HTR7: variants seen among roughly 807,000 people sequenced by gnomAD.
The protein encoded by HTR7 is 5-HT-7.
Under a neutral mutation model 34.0 loss-of-function variants are expected in HTR7, and 16 were observed. That is an observed-to-expected ratio of 0.47 (90% CI 0.32 to 0.71). HTR7 has a LOEUF of 0.71. HTR7 is among the 30% of genes least tolerant of loss of function. The probability of loss-of-function intolerance (pLI) is 0.04; values close to 1 mark genes in which losing one functional copy is unlikely to be tolerated. For missense variants in HTR7, 504 were observed against 625.5 expected (o/e 0.81, Z 2.07); for synonymous variants, 265 against 260.2 (o/e 1.02, Z -0.18).
chr10:90,750,201 C>A (rs568602523), intron 1 of HTR7, among the ~76,000 whole-genome samples: 2 of 151,978 alleles, frequency 1.3e-5, no homozygotes, highest in Admixed American at 1.3e-4. Context: ...TATTATTTTG[C>A]CCACAGAAAA....
intron 1 of HTR7, among the ~76,000 whole-genome samples, chr10:90,809,147 C>A (rs1336449117): frequency 6.6e-6 from 1 of 152,140 alleles, no homozygotes; most frequent in Non-Finnish European, 1.5e-5. Flanking sequence ...CTTCCTCAGC[C>A]CCCTCTTCTC....
At chr10:90,853,538 C>A (rs1846533011) in intron 1 of HTR7, among the ~76,000 whole-genome samples, 1 of 151,304 alleles carries the variant, frequency 6.6e-6, no homozygotes, top group South Asian at 2.1e-4. Flanking sequence ...CTCCAGGGCT[C>A]CAGCAATCCT....
At chr10:90,828,072 A>G (rs760802152) in intron 1 of HTR7, among the ~76,000 whole-genome samples, 1 of 145,474 alleles carries the variant, frequency 6.9e-6, no homozygotes, top group Non-Finnish European at 1.5e-5. Context: ...CTTGGAAACC[A>G]CACAAACACA....
chr10:90,842,228 T>C (rs1846339785), intron 1 of HTR7, among the ~76,000 whole-genome samples: 1 of 152,158 alleles, frequency 6.6e-6, no homozygotes, highest in South Asian at 2.1e-4. Context: ...TTTTGCCCTC[T>C]GTTCTTTTTG....
intron 1 of HTR7, among the ~76,000 whole-genome samples, chr10:90,774,010 T>C (rs183424111): frequency 6.6e-5 from 10 of 152,300 alleles, no homozygotes; most frequent in Admixed American, 4.6e-4. Context: ...TTGTGATACA[T>C]TCCTTTCACA....
chr10:90,786,477 A>C (rs1436240872), intron 1 of HTR7, among the ~76,000 whole-genome samples: 1 of 152,250 alleles, frequency 6.6e-6, no homozygotes, highest in South Asian at 2.1e-4. Context: ...AAGAACCAAC[A>C]TAAGAATAGG....
intron 1 of HTR7, among the ~76,000 whole-genome samples, chr10:90,764,351 G>A (rs1844985071): frequency 6.6e-6 from 1 of 152,076 alleles, no homozygotes; most frequent in South Asian, 2.1e-4. Context: ...GTAGATTCTG[G>A]ATATTAGACC....
rs1309626392 is a variant in HTR7, at chr10:90,796,790, C to A, written c.540-47196G>T. On this transcript the variant is annotated intron_variant, in intron 1 of 3. Coordinates refer to ENST00000336152, the MANE Select transcript of HTR7 (RefSeq NM_019859.4). ...ATGGGAGGCCGAGGCAGGCAGATCA[C>A]AAAGTCAGGAGATTGAGACTATCCC... Among the ~76,000 whole-genome samples the A allele has an allele frequency of 2.6e-5, 4 of 152,240 alleles. No homozygotes were observed. In the South Asian group the frequency reaches 8.3e-4, roughly 32 times the overall value.
chr10:90,843,786 T>C (rs1433646468), intron 1 of HTR7, among the ~76,000 whole-genome samples: 2 of 152,186 alleles, frequency 1.3e-5, no homozygotes, highest in Non-Finnish European at 2.9e-5. Context: ...GAGCAGAAGC[T>C]GGCAAGCTCC....
At chr10:90,795,614 C>G (rs1430177670) in intron 1 of HTR7, among the ~76,000 whole-genome samples, 1 of 152,086 alleles carries the variant, frequency 6.6e-6, no homozygotes, top group Non-Finnish European at 1.5e-5. Context: ...GTTGTAAACC[C>G]AAAAGTTATC....
At chr10:90,792,424 T>C (rs1171495253) in intron 1 of HTR7, among the ~76,000 whole-genome samples, 1 of 152,104 alleles carries the variant, frequency 6.6e-6, no homozygotes, top group African/African-American at 2.4e-5. Context: ...GAATTAATCA[T>C]AATTCTTGAT....
intron 3 of HTR7, among the ~76,000 whole-genome samples, chr10:90,743,060 A>G (rs887068222): frequency 5.3e-5 from 8 of 151,766 alleles, no homozygotes; most frequent in Non-Finnish European, 1.0e-4. Flanking sequence ...CTCCTGGTGT[A>G]AAGCCACTCC....
At chr10:90,836,662 C>T (rs1240164018) in intron 1 of HTR7, among the ~76,000 whole-genome samples, 2 of 151,884 alleles carry the variant, frequency 1.3e-5, no homozygotes, top group African/African-American at 4.8e-5. Context: ...CAGGCGTGTA[C>T]CACCACACCA....
intron 1 of HTR7, among the ~76,000 whole-genome samples, chr10:90,780,327 G>A (rs1443155714): frequency 6.6e-6 from 1 of 152,162 alleles, no homozygotes; most frequent in Non-Finnish European, 1.5e-5. Flanking sequence ...CCTGAGGTCA[G>A]GAGTTCGAGA....
intron 1 of HTR7, among the ~76,000 whole-genome samples, chr10:90,760,479 TAGA>T (rs1435577302): frequency 6.6e-6 from 1 of 152,194 alleles, no homozygotes; most frequent in African/African-American, 2.4e-5. Flanking sequence ...TTCAAATAGC[TAGA>T]AGGAGGGTAT....
chr10:90,787,770 A>C (rs1403415536), intron 1 of HTR7, among the ~76,000 whole-genome samples: 1 of 152,142 alleles, frequency 6.6e-6, no homozygotes, highest in Non-Finnish European at 1.5e-5. Context: ...GAAGTGAAGT[A>C]ATTTAGCTAG....
In HTR7 at chr10:90,816,761, C is replaced by T. The variant is rs189350288; in HGVS notation, c.539+40372G>A. Among the ~76,000 whole-genome samples the T allele has an allele frequency of 1.3e-3, 203 of 152,290 alleles. 1 individual carries two copies. The highest frequency in any genetic ancestry group is 1.9e-4 in the Non-Finnish European group (13 of 68,022). On this transcript the variant is annotated intron_variant, in intron 1 of 3. Coordinates refer to ENST00000336152, the MANE Select transcript of HTR7 (RefSeq NM_019859.4). ...TCTGTTTCTCCTTGCCAATCCCCTG[C>T]TGCTAAAACTATACAAGCACCCTCC... is the stretch of plus-strand genomic sequence containing the variant.
chr10:90,843,408 G>T (rs1157352633), intron 1 of HTR7, among the ~76,000 whole-genome samples: 2 of 152,206 alleles, frequency 1.3e-5, no homozygotes, highest in African/African-American at 4.8e-5. Flanking sequence ...AAGAAAAAGT[G>T]CAAGGTGTTA....
At chr10:90,810,600 C>T (rs549775927) in intron 1 of HTR7, among the ~76,000 whole-genome samples, 93 of 152,300 alleles carry the variant, frequency 6.1e-4, no homozygotes, top group African/African-American at 2.1e-3. Context: ...CCTATCCACC[C>T]CATGGTGCTG....
Sources: gnomAD v4.1 joint callset for allele counts (sites outside exome capture counted in the v4.1 genomes callset) on GRCh38, gnomAD v4.1.1 for gene constraint, MANE v1.5 for transcripts, NCBI Gene and HGNC (gene_info 2026-07-23, HGNC 2026-07-21) for gene names.